The following CA5A variants were observed in gnomAD, a reference collection of about 807,000 sequenced individuals.
The protein encoded by CA5A is carbonic anhydrase 5A.
A neutral mutation model predicts 37.1 loss-of-function variants in CA5A; 28 were observed. The ratio of observed to expected loss-of-function variants is 0.75; its 90% confidence interval spans 0.56 to 1.03. The LOEUF (loss-of-function observed/expected upper bound fraction) is 1.03. CA5A is among the 50% of genes least tolerant of loss of function. The pLI, the probability that CA5A is intolerant of heterozygous loss-of-function variation, is 0.00. For missense variants in CA5A, 444 were observed against 399.9 expected, an observed-to-expected ratio of 1.11 and a Z score of -0.94; for synonymous variants, 171 against 158.4, an observed-to-expected ratio of 1.08 and a Z score of -0.60.
intron 2 of CA5A, among the ~76,000 whole-genome samples, chr16:87,910,256 G>A (rs2056031600): frequency 6.6e-6 from 1 of 152,336 alleles, no homozygotes; most frequent in African/African-American, 2.4e-5. Flanking sequence ...GGCTTGGTGT[G>A]TACCAGAGTG....
chr16:87,932,929 G>A (rs1375128663), intron 1 of CA5A, among the ~76,000 whole-genome samples: 5 of 152,216 alleles, frequency 3.3e-5, no homozygotes, highest in Non-Finnish European at 7.3e-5. Context: ...CAGACATGAC[G>A]TGAGCAGTAG....
chr16:87,931,198 G>A lies in CA5A; in HGVS notation c.143-4253C>T, dbSNP rs191395909. ...GTAATCTCAGTTCACTGCAACCTCC[G>A]CCTCCCGGGTTCAAGTGATTCTCCT... On this transcript the variant is annotated intron_variant, in intron 1 of 6. Transcript: ENST00000649794. Among the ~76,000 whole-genome samples the A allele has an allele frequency of 2.1e-4, 31 of 148,340 alleles. 1 individual carries two copies. In the East Asian group the frequency reaches 6.2e-3, roughly 30 times the overall value.
downstream of CA5A, chr16:87,887,096 T>C (rs991177699): frequency 2.0e-5 from 3 of 152,098 alleles, no homozygotes; most frequent in Non-Finnish European, 4.4e-5. Context: ...AGAGACGGGG[T>C]TTCGCCATGT....
At chr16:87,936,079 G>A (rs11859837) in intron 1 of CA5A, among the ~76,000 whole-genome samples, 14,651 of 151,182 alleles carry the variant, frequency 0.097, 1,071 homozygotes, top group East Asian at 0.31. Flanking sequence ...AGCTGAGGCA[G>A]GAGAATCGCT....
chr16:87,904,162 C>G (rs1326674635), intron 3 of CA5A, among the ~76,000 whole-genome samples: 1 of 151,784 alleles, frequency 6.6e-6, no homozygotes, highest in African/African-American at 2.4e-5. Context: ...GCCAACATGG[C>G]GAAACCCCAT....
chr16:87,932,736 T>A (rs1194723812), intron 1 of CA5A, among the ~76,000 whole-genome samples: 2 of 151,934 alleles, frequency 1.3e-5, no homozygotes, highest in African/African-American at 4.8e-5. Flanking sequence ...TGCCCCTAAT[T>A]CACACGGGCG....
rs565557401 is a variant in CA5A at position 87,899,919 on chromosome 16, CAAAAAAAAAAAAAAAAAAAAAA to C, written c.618+1971_618+1992del. ...TGGGCAACAGAGCGAGATTTTATCT[CAAAAAAAAAAAAAAAAAAAAAA>C]AAAAAAAAAAAGAGTCTAACTCTTT... On this transcript the variant is annotated intron_variant, in intron 5 of 6. Transcript: ENST00000649794. Among the ~76,000 whole-genome samples, 425 of 46,610 alleles carry C rather than the reference CAAAAAAAAAAAAAAAAAAAAAA, an allele frequency of 9.1e-3. 5 individuals are homozygous for C. Among genetic ancestry groups the C allele is most frequent in the African/African-American group, 0.032 (400 of 12,340 alleles). 30.6% of individuals were successfully genotyped at this position (46,610 alleles called of 152,430 possible).
rs2144117897 is a variant in CA5A, at chr16:87,936,329, C to T, written c.122G>A (p.Trp41Ter). 1 of 1,613,696 alleles carries T rather than the reference C, an allele frequency of 6.2e-7. No homozygotes were observed. Among genetic ancestry groups the T allele is most frequent in the Non-Finnish European group, 8.5e-7 (1 of 1,179,666 alleles). The stretch of plus-strand genomic sequence containing the variant: ...CTTACAAGTGTTATTGCTGGTTTGC[C>T]ATGCACAGGAACGCTGAGAACACCA... Reference protein sequence around the residue: ...GRWCSQRSCAWQTSNNTLHPL... With the variant: ...GRWCSQRSCA Residue 41 changes from tryptophan (W) to a stop codon, truncating the protein, a stop_gained, in exon 1 of 7, where the codon TGG (tryptophan) becomes TAG (stop). Transcript: ENST00000649794. LOFTEE classifies it high-confidence loss of function.
intron 1 of CA5A, among the ~76,000 whole-genome samples, chr16:87,935,844 C>T (rs954954376): frequency 5.3e-5 from 8 of 151,642 alleles, no homozygotes; most frequent in Middle Eastern, 3.2e-3. Flanking sequence ...CCATTGCACT[C>T]TAGCCTGGGC....
Position 87,926,863 on chromosome 16 carries a change from G to A in CA5A, c.225C>T (p.Val75=), listed in dbSNP as rs1357760806. 23 of 1,613,306 alleles carry A rather than the reference G, an allele frequency of 1.4e-5. No individual in the cohort carries two copies. Among genetic ancestry groups the A allele is most frequent in the Non-Finnish European group, 1.9e-5 (23 of 1,179,544 alleles). Residue 75 remains valine, a synonymous_variant, in exon 2 of 7, where the codon GTC becomes GTT. Coordinates refer to ENST00000649794, the MANE Select transcript of CA5A (RefSeq NM_001739.2). ...TGAGTGGCTTCAGCTGGGGGTCATA[G>A]ACGCTGTCCCTCCACTGGATGTTAA... ...SPINIQWRDS[V]YDPQLKPLRV...
rs569957982 is a variant in CA5A, at chr16:87,910,287, G to A, written c.341-5383C>T. Among the ~76,000 whole-genome samples the A allele has an allele frequency of 8.5e-5, 13 of 152,278 alleles. No homozygotes were observed. The South Asian group carries it at 1.2e-3, about 15-fold the overall frequency. ...GAGTGCAGCGGAGGAGCTGGCGTTC[G>A]CTGGGCACCTGCTACCTGCTGGGCA... On this transcript the variant is annotated intron_variant, in intron 2 of 6. Transcript: ENST00000649794.
At position 87,901,962 on chromosome 16, in the gene CA5A, G is replaced by C; in HGVS notation, c.568C>G (p.His190Asp). 1 of 1,613,696 alleles carries C rather than the reference G, an allele frequency of 6.2e-7. No individual in the cohort carries two copies. The highest frequency in any genetic ancestry group is 8.5e-7 in the Non-Finnish European group (1 of 1,179,762). ...TCCACCAGCCTCTGCAGCGTCTGAT[G>C]ATGGGCCCCGAGCTGCATGGCAGAC... ...IGVFLKLGAHHQTLQRLVDIL... is the reference protein window; with the variant it reads ...IGVFLKLGAHDQTLQRLVDIL... Residue 190 changes from histidine to aspartate, a missense_variant, in exon 5 of 7, where the codon CAT (histidine) becomes GAT (aspartate). Physicochemically the swap from His to Asp is moderately conservative, Grantham distance 81. Coordinates refer to ENST00000649794, the MANE Select transcript of CA5A (RefSeq NM_001739.2).
chr16:87,935,878 A>G (rs1174793892), intron 1 of CA5A, among the ~76,000 whole-genome samples: 1 of 151,932 alleles, frequency 6.6e-6, no homozygotes, highest in Non-Finnish European at 1.5e-5. Flanking sequence ...TTCATCAAAA[A>G]AAGAAAAAAG....
chr16:87,903,159 G>A (rs1463151524), intron 3 of CA5A, among the ~76,000 whole-genome samples: 2 of 152,130 alleles, frequency 1.3e-5, no homozygotes, highest in Admixed American at 6.6e-5. Context: ...TCGGCTGGGC[G>A]CGGTGGCTCA....
chr16:87,887,994 AG>A, downstream of CA5A: 1 of 1,352,838 alleles, frequency 7.4e-7, no homozygotes, highest in Non-Finnish European at 9.9e-7. Context: ...GCAGCTGAAA[AG>A]TACTTCGACT....
chr16:87,898,717 G>A (rs897443943), intron 5 of CA5A, among the ~76,000 whole-genome samples: 1 of 149,662 alleles, frequency 6.7e-6, no homozygotes, highest in African/African-American at 2.5e-5. Flanking sequence ...TGAGAATGCT[G>A]CTCTAGTGTG....
At chr16:87,932,666 C>T (rs150386489) in intron 1 of CA5A, among the ~76,000 whole-genome samples, 87 of 152,098 alleles carry the variant, frequency 5.7e-4, no homozygotes, top group African/African-American at 2.0e-3. Flanking sequence ...AAGCCCTGGC[C>T]CAGGTGCAGG....
rs867981616 is a variant in CA5A at position 87,888,236 on chromosome 16, C to G, written c.811G>C (p.Gly271Arg). 1 of 1,613,762 alleles carries G rather than the reference C, an allele frequency of 6.2e-7. No individual in the cohort carries two copies. Among genetic ancestry groups the G allele is most frequent in the African/African-American group, 1.3e-5 (1 of 74,994 alleles). ...AFRTLLFSAL[G>R]EEEKMMVNNY... ...TTCACCATCATCTTCTCCTCTTCAC[C>G]AAGTGCAGAAAACAGGAGAGTACGA... The change falls in exon 7 of 7, where the codon GGT (glycine) becomes CGT (arginine). Residue 271 changes from glycine (G) to arginine (R), a missense_variant. Gly to Arg is a moderately radical substitution (Grantham distance 125). Coordinates refer to ENST00000649794, the MANE Select transcript of CA5A (RefSeq NM_001739.2).
chr16:87,912,360 A>T (rs1035424376), intron 2 of CA5A, among the ~76,000 whole-genome samples: 1 of 152,186 alleles, frequency 6.6e-6, no homozygotes, highest in Non-Finnish European at 1.5e-5. Flanking sequence ...CATCACCATC[A>T]TCTCACCACG....
Sources: gnomAD v4.1 joint callset for allele counts (sites outside exome capture counted in the v4.1 genomes callset) on GRCh38, gnomAD v4.1.1 for gene constraint, MANE v1.5 for transcripts, NCBI Gene and HGNC (gene_info 2026-07-23, HGNC 2026-07-21) for gene names.